The following AMPH variants were observed in gnomAD, a reference collection of about 807,000 sequenced individuals.
AMPH encodes amphiphysin (Stiff-Mann syndrome with breast cancer 128kD autoantigen).
AMPH carries 49 observed loss-of-function variants against 99.1 expected under a neutral mutation model. That is an observed-to-expected ratio of 0.49 (90% CI 0.39 to 0.63). The LOEUF (loss-of-function observed/expected upper bound fraction) is 0.63. Among genes scored for constraint, AMPH ranks in the 20% least tolerant of loss-of-function variants. The pLI is 0.00. For synonymous variants in AMPH, 314 were observed against 317.3 expected, an observed-to-expected ratio of 0.99 and a Z score of 0.11; for missense variants, 759 against 863.4, an observed-to-expected ratio of 0.88 and a Z score of 1.52.
intron 2 of AMPH, among the ~76,000 whole-genome samples, chr7:38,513,679 G>A (rs895202577): frequency 1.3e-5 from 2 of 152,104 alleles, no homozygotes; most frequent in African/African-American, 4.8e-5. Flanking sequence ...TCAGTGCCTT[G>A]TACAATGCCT....
chr7:38,403,226 C>T (rs1784891006), intron 17 of AMPH, among the ~76,000 whole-genome samples: 1 of 152,138 alleles, frequency 6.6e-6, no homozygotes, highest in Non-Finnish European at 1.5e-5. Context: ...AAAAGGAAAG[C>T]TACGAGAGTC....
chr7:38,607,881 T>C (rs1268786194), intron 1 of AMPH, among the ~76,000 whole-genome samples: 2 of 152,238 alleles, frequency 1.3e-5, no homozygotes, highest in Non-Finnish European at 2.9e-5. Context: ...GAAAATTACT[T>C]AAAACACAGA....
intron 5 of AMPH, among the ~76,000 whole-genome samples, chr7:38,489,590 T>C (rs1187232656): frequency 1.3e-5 from 2 of 152,044 alleles, no homozygotes; most frequent in East Asian, 1.9e-4. Context: ...ATGCAAGCTA[T>C]AGAAATGGAG....
chr7:38,489,622 T>C (rs1788645345), intron 5 of AMPH, among the ~76,000 whole-genome samples: 1 of 152,010 alleles, frequency 6.6e-6, no homozygotes, highest in South Asian at 2.1e-4. Context: ...AAACCACATG[T>C]TTGATGAGGA....
At chr7:38,414,596 C>A (rs750782960) in intron 17 of AMPH, among the ~76,000 whole-genome samples, 1 of 152,110 alleles carries the variant, frequency 6.6e-6, no homozygotes, top group Non-Finnish European at 1.5e-5. Context: ...TGAATTGGCT[C>A]TGTGCTCATC....
At chr7:38,387,773 T>C (rs960668951) in intron 20 of AMPH, among the ~76,000 whole-genome samples, 2 of 150,978 alleles carry the variant, frequency 1.3e-5, no homozygotes, top group Non-Finnish European at 3.0e-5. Context: ...GATTTTCAAG[T>C]ATGAAGACCA....
At chr7:38,512,925 G>T (rs1789593769) in intron 2 of AMPH, among the ~76,000 whole-genome samples, 2 of 152,196 alleles carry the variant, frequency 1.3e-5, no homozygotes, top group Non-Finnish European at 2.9e-5. Flanking sequence ...CAATTCCCAT[G>T]AAGTAGGCAG....
At position 38,612,137 on chromosome 7, in the gene AMPH, C is replaced by CACAATCTT. The variant is rs1423732986; in HGVS notation, c.69+19138_69+19145dup. Reference sequence around the variant, plus strand: ...ATGGAGTTTTGCTCTTGGGCAGTGGCACAATCTTGGCTCACTACAACCTCC... The same window carrying CACAATCTT: ...ATGGAGTTTTGCTCTTGGGCAGTGGCACAATCTTACAATCTTGGCTCACTACAACCTCC... On this transcript the variant is annotated intron_variant, in intron 1 of 20. Transcript: ENST00000356264. Among the ~76,000 whole-genome samples, 3 of 119,924 alleles carry CACAATCTT rather than the reference C, an allele frequency of 2.5e-5. No individual in the cohort carries two copies. The East Asian group carries it at 6.8e-4, about 27-fold the overall frequency. The allele number at this position is 119,924 out of a possible 152,430, so 78.7% of individuals were successfully genotyped here. A position where few individuals can be genotyped will look rare whatever the true frequency, so the allele number is the denominator to read the frequency against.
chr7:38,610,410 A>G (rs1380947933), intron 1 of AMPH, among the ~76,000 whole-genome samples: 5 of 147,046 alleles, frequency 3.4e-5, no homozygotes, highest in Admixed American at 6.8e-5. Context: ...AAAGAAAAGA[A>G]AAAAGAAACT....
chr7:38,442,900 AAGAG>A (rs34432348), intron 11 of AMPH, among the ~76,000 whole-genome samples: 1 of 151,956 alleles, frequency 6.6e-6, no homozygotes, highest in African/African-American at 2.4e-5. Context: ...GAACAAGAAA[AAGAG>A]AGAATCAATA....
At chr7:38,422,594 C>T (rs879067777) in intron 15 of AMPH, 117 bp from the exon 16 acceptor site, 118 of 718,718 alleles carry the variant, frequency 1.6e-4, no homozygotes, top group South Asian at 3.2e-4. Context: ...ATCTATCTAT[C>T]TATCTATCCA....
At chr7:38,556,330 A>G (rs957758661) in intron 1 of AMPH, among the ~76,000 whole-genome samples, 3 of 152,190 alleles carry the variant, frequency 2.0e-5, no homozygotes, top group Non-Finnish European at 4.4e-5. Context: ...GTTATTAGAC[A>G]CCTGCTGTAT....
At chr7:38,540,755 A>G (rs1790780228) in intron 1 of AMPH, among the ~76,000 whole-genome samples, 1 of 137,364 alleles carries the variant, frequency 7.3e-6, no homozygotes, top group South Asian at 2.6e-4. Flanking sequence ...GCAGTTGACG[A>G]GAGGAAAGGC....
At position 38,476,734 on chromosome 7, in the gene AMPH, A is replaced by G. The variant is rs1788099226; in HGVS notation, c.504+128T>C. The G allele has an allele frequency of 4.8e-6, 3 of 621,092 alleles. No homozygotes were observed. The South Asian group carries it at 6.6e-5, about 14-fold the overall frequency. The allele number at this position is 621,092 out of a possible 1,614,324, so 38.5% of individuals were successfully genotyped here. A position where few individuals can be genotyped will look rare whatever the true frequency, so the allele number is the denominator to read the frequency against. On this transcript the variant is annotated intron_variant, in intron 6 of 20. Transcript: ENST00000356264. The stretch of plus-strand genomic sequence containing the variant: ...TTAATTAAAAATAATAAAAAGCACT[A>G]TGTTTCAGTTTAAATTCTGTTCAGA...
rs776533066 is a variant in AMPH at position 38,429,386 on chromosome 7, G to A, written c.1182+456C>T. ...ATAATCTTATGTCTTGCTCTGTTTC[G>A]GAGGGACATGCAGAGTCTTCTCCAA... On this transcript the variant is annotated intron_variant, in intron 14 of 20. Coordinates refer to ENST00000356264, the MANE Select transcript of AMPH (RefSeq NM_001635.4). 3.0e-5 allele frequency: 39 copies of A among 1,290,888 alleles called. 1 individual carries two copies. The highest frequency in any genetic ancestry group is 9.9e-5 in the South Asian group (8 of 81,054). The allele number at this position is 1,290,888 out of a possible 1,614,324, so 80.0% of individuals were successfully genotyped here.
intron 1 of AMPH, among the ~76,000 whole-genome samples, chr7:38,626,018 A>AT (rs1794228699): frequency 6.6e-6 from 1 of 152,238 alleles, no homozygotes; most frequent in Admixed American, 6.5e-5. Context: ...TTAAATTTAC[A>AT]TATCTTCACC....
chr7:38,483,418 T>TA (rs1788368478), intron 5 of AMPH, among the ~76,000 whole-genome samples: 1 of 151,996 alleles, frequency 6.6e-6, no homozygotes, highest in Non-Finnish European at 1.5e-5. Flanking sequence ...AAACAAACAG[T>TA]AAAAAACACC....
chr7:38,548,632 G>T (rs761167102), intron 1 of AMPH, among the ~76,000 whole-genome samples: 2 of 152,082 alleles, frequency 1.3e-5, no homozygotes, highest in African/African-American at 4.8e-5. Context: ...TTTAATAGGC[G>T]AAAGAAAGAG....
At chr7:38,606,314 T>C (rs529240444) in intron 1 of AMPH, among the ~76,000 whole-genome samples, 5 of 152,316 alleles carry the variant, frequency 3.3e-5, no homozygotes, top group African/African-American at 1.2e-4. Context: ...GTCACCACTG[T>C]CTAGTTCCGG....
Sources: gnomAD v4.1 joint callset for allele counts (sites outside exome capture counted in the v4.1 genomes callset) on GRCh38, gnomAD v4.1.1 for gene constraint, MANE v1.5 for transcripts, NCBI Gene and HGNC (gene_info 2026-07-23, HGNC 2026-07-21) for gene names.